Variants in XKR6 observed in about 807,000 individuals in gnomAD.
The protein encoded by XKR6 is XK-related protein 6.
In XKR6, 22 loss-of-function variants were observed where a neutral mutation model predicts 56.7. That is an observed-to-expected ratio of 0.39 (90% CI 0.28 to 0.55). XKR6 has a LOEUF of 0.55. XKR6 is among the 20% of genes least tolerant of loss of function. XKR6 has a pLI of 0.66. For missense variants in XKR6, 852 were observed against 889.0 expected, an observed-to-expected ratio of 0.96 and a Z score of 0.53; for synonymous variants, 524 against 387.8, an observed-to-expected ratio of 1.35 and a Z score of -4.13.
At chr8:10,930,183 G>A (rs1300623974) in intron 1 of XKR6, among the ~76,000 whole-genome samples, 1 of 152,184 alleles carries the variant, frequency 6.6e-6, no homozygotes, top group Non-Finnish European at 1.5e-5. Context: ...GGGGCAGGGG[G>A]CTAAACATTC....
chr8:11,190,938 G>A lies in XKR6; in HGVS notation c.764+9638C>T, dbSNP rs1005208125. On this transcript the variant is annotated intron_variant, in intron 1 of 2. Transcript: ENST00000416569. ...TCAATATAGTTTCCTTTCCTCCTTA[G>A]TAATTTCTCTACGCCTCCTCCACTC... Among the ~76,000 whole-genome samples the A allele has an allele frequency of 7.9e-5, 12 of 152,214 alleles. 1 individual carries two copies. In the South Asian group the frequency reaches 2.1e-3, roughly 26 times the overall value.
chr8:11,110,086 C>A (rs1798830776), intron 1 of XKR6, among the ~76,000 whole-genome samples: 1 of 152,168 alleles, frequency 6.6e-6, no homozygotes, highest in Admixed American at 6.5e-5. Flanking sequence ...AATTCTCCTG[C>A]CTTAGCCTCC....
At chr8:11,133,451 A>C (rs565608178) in intron 1 of XKR6, among the ~76,000 whole-genome samples, 1 of 152,080 alleles carries the variant, frequency 6.6e-6, no homozygotes, top group African/African-American at 2.4e-5. Context: ...GAGGGCAAAA[A>C]CTAGGAGGAG....
chr8:10,945,980 A>G lies in XKR6; in HGVS notation c.765-21150T>C, dbSNP rs1448593297. Among the ~76,000 whole-genome samples, 4 of 151,952 alleles carry G rather than the reference A, an allele frequency of 2.6e-5. No homozygotes were observed. In the East Asian group the frequency reaches 5.8e-4, roughly 22 times the overall value. On this transcript the variant is annotated intron_variant, in intron 1 of 2. Coordinates refer to ENST00000416569, the MANE Select transcript of XKR6 (RefSeq NM_173683.4). ...TATATTTGATTCCTCTCTAGCCCCC[A>G]CGCAGTCTTTCCAACCAAGCAAGAC...
chr8:10,969,572 G>A (rs1302256629), intron 1 of XKR6, among the ~76,000 whole-genome samples: 4 of 152,192 alleles, frequency 2.6e-5, no homozygotes, highest in East Asian at 3.8e-4. Flanking sequence ...AAGAGAATGC[G>A]GAGTAAGCCC....
chr8:11,043,653 C>T (rs1477318500), intron 1 of XKR6, among the ~76,000 whole-genome samples: 1 of 152,190 alleles, frequency 6.6e-6, no homozygotes, highest in Non-Finnish European at 1.5e-5. Flanking sequence ...AAATAAAATC[C>T]TAAGCCTCCC....
intron 2 of XKR6, among the ~76,000 whole-genome samples, chr8:10,904,833 G>C (rs1181015828): frequency 6.6e-6 from 1 of 152,216 alleles, no homozygotes; most frequent in Non-Finnish European, 1.5e-5. Flanking sequence ...CCCTGAGCCA[G>C]AGCTGGGCTC....
rs559015954 is a variant in XKR6 at position 10,964,005 on chromosome 8, G to A, written c.765-39175C>T. Among the ~76,000 whole-genome samples the A allele has an allele frequency of 3.7e-4, 56 of 152,290 alleles. 1 individual carries two copies. The highest frequency in any genetic ancestry group is 3.4e-3 in the Middle Eastern group (1 of 294). On this transcript the variant is annotated intron_variant, in intron 1 of 2. Coordinates refer to ENST00000416569, the MANE Select transcript of XKR6 (RefSeq NM_173683.4). ...TAAAATGGGCAACATAATCCCTACC[G>A]CAGAGGGTGGTGGCAGGGACTGCAC...
chr8:11,173,902 G>C (rs1802515129), intron 1 of XKR6, among the ~76,000 whole-genome samples: 1 of 152,158 alleles, frequency 6.6e-6, no homozygotes, highest in African/African-American at 2.4e-5. Flanking sequence ...ACGGGACACA[G>C]TGGGAAAAAA....
At chr8:11,149,213 C>T (rs1346879327) in intron 1 of XKR6, among the ~76,000 whole-genome samples, 3 of 152,188 alleles carry the variant, frequency 2.0e-5, no homozygotes, top group Admixed American at 6.5e-5. Flanking sequence ...CACTTACACA[C>T]GCCTAGATGG....
intron 1 of XKR6, among the ~76,000 whole-genome samples, chr8:11,139,958 G>A (rs1800604443): frequency 6.6e-6 from 1 of 152,016 alleles, no homozygotes; most frequent in Non-Finnish European, 1.5e-5. Context: ...CATGAACGAA[G>A]GTAAGCCAGA....
intron 1 of XKR6, among the ~76,000 whole-genome samples, chr8:11,127,339 A>C (rs1314170166): frequency 3.3e-5 from 5 of 152,226 alleles, no homozygotes; most frequent in African/African-American, 1.2e-4. Context: ...AAACTTCACC[A>C]CATAATAAGT....
chr8:10,909,767 C>T (rs147462957), intron 2 of XKR6, among the ~76,000 whole-genome samples: 4 of 152,272 alleles, frequency 2.6e-5, no homozygotes, highest in Admixed American at 1.3e-4. Context: ...AAGGAATTCA[C>T]ATTTACTGAA....
chr8:11,193,095 C>T (rs1360003377), intron 1 of XKR6, among the ~76,000 whole-genome samples: 1 of 152,210 alleles, frequency 6.6e-6, no homozygotes, highest in Non-Finnish European at 1.5e-5. Context: ...TAATTATCAA[C>T]CCTACCTTTC....
intron 1 of XKR6, among the ~76,000 whole-genome samples, chr8:11,031,757 A>G (rs1798998985): frequency 6.6e-6 from 1 of 152,246 alleles, no homozygotes; most frequent in Non-Finnish European, 1.5e-5. Context: ...AACTCTGGCT[A>G]AAATAAACGT....
chr8:10,911,199 C>CGT (rs745616432), intron 2 of XKR6, among the ~76,000 whole-genome samples: 25,041 of 125,908 alleles, frequency 0.2, 2,437 homozygotes, highest in South Asian at 0.29. Context: ...AGAGGGTGTG[C>CGT]GTGTGTGTGT....
chr8:10,954,258 C>T (rs947649250), intron 1 of XKR6, among the ~76,000 whole-genome samples: 3 of 152,216 alleles, frequency 2.0e-5, no homozygotes, highest in African/African-American at 7.2e-5. Flanking sequence ...TTCATCGTGG[C>T]TGCACCATTT....
intron 1 of XKR6, among the ~76,000 whole-genome samples, chr8:10,988,265 C>G (rs1477397458): frequency 6.6e-6 from 1 of 152,220 alleles, no homozygotes; most frequent in African/African-American, 2.4e-5. Context: ...TTGTTTGTTA[C>G]TGTTTCCCCT....
chr8:10,928,562 A>T (rs12548184), intron 1 of XKR6, among the ~76,000 whole-genome samples: 76,444 of 152,098 alleles, frequency 0.5, 21,024 homozygotes, highest in African/African-American at 0.69. Context: ...CGCCTCCTGC[A>T]GAGTCTCCCA....
Sources: allele counts gnomAD v4.1 joint callset (sites outside exome capture counted in the v4.1 genomes callset), GRCh38; gene constraint gnomAD v4.1.1; transcripts MANE v1.5; gene names NCBI Gene and HGNC (gene_info 2026-07-23, HGNC 2026-07-21).